The following MYO3B variants were observed in gnomAD, a reference collection of about 807,000 sequenced individuals.
The protein encoded by MYO3B is myosin IIIB, also known as myosin-IIIb.
Under a neutral mutation model 174.6 loss-of-function variants are expected in MYO3B, and 156 were observed. The ratio of observed to expected loss-of-function variants is 0.89; its 90% CI spans 0.78 to 1.02. The LOEUF (loss-of-function observed/expected upper bound fraction) is 1.02. Ranked by LOEUF, MYO3B falls within the 50% of genes least tolerant of loss-of-function variation. The probability of loss-of-function intolerance (pLI) is 0.00; values close to 1 mark genes in which losing one functional copy is unlikely to be tolerated. For synonymous variants in MYO3B, 563 were observed against 569.1 expected, an observed-to-expected ratio of 0.99 and a Z score of 0.15; for missense variants, 1,632 against 1,639.4, an observed-to-expected ratio of 1.00 and a Z score of 0.08.
At chr2:170,611,979 T>C (rs717542) in intron 32 of MYO3B, among the ~76,000 whole-genome samples, 32,126 of 152,096 alleles carry the variant, frequency 0.21, 4,445 homozygotes, top group East Asian at 0.45. Context: ...TTGTCTGTAG[T>C]ATCCTAATGG....
chr2:170,358,605 T>C (rs1238821064), intron 8 of MYO3B, among the ~76,000 whole-genome samples: 1 of 152,248 alleles, frequency 6.6e-6, no homozygotes, highest in Non-Finnish European at 1.5e-5. Flanking sequence ...TCATTAAACC[T>C]ATTATAAGAA....
chr2:170,365,621 A>G (rs1396704074), intron 8 of MYO3B, among the ~76,000 whole-genome samples: 2 of 152,112 alleles, frequency 1.3e-5, no homozygotes, highest in Non-Finnish European at 2.9e-5. Context: ...TTTGCTCCCC[A>G]TGAGAAAAAA....
chr2:170,570,194 GA>G (rs1265094988), intron 32 of MYO3B, among the ~76,000 whole-genome samples: 1 of 152,194 alleles, frequency 6.6e-6, no homozygotes, highest in Non-Finnish European at 1.5e-5. Flanking sequence ...CTTGGCTGAA[GA>G]AAAAGAGTTT....
At chr2:170,284,464 G>A (rs1340818070) in intron 7 of MYO3B, among the ~76,000 whole-genome samples, 1 of 152,128 alleles carries the variant, frequency 6.6e-6, no homozygotes, top group African/African-American at 2.4e-5. Context: ...GGTGCAGAGA[G>A]GGGAGAGGCA....
chr2:170,432,579 AT>A (rs777859423), intron 22 of MYO3B, among the ~76,000 whole-genome samples: 3,030 of 145,286 alleles, frequency 0.021, 86 homozygotes, highest in African/African-American at 0.068. Context: ...AAAAAAAGAA[AT>A]TTTTTTTTTT....
intron 1 of MYO3B, among the ~76,000 whole-genome samples, chr2:170,189,282 A>T (rs1164617847): frequency 6.6e-6 from 1 of 152,040 alleles, no homozygotes; most frequent in Non-Finnish European, 1.5e-5. Context: ...CAGTTTGATT[A>T]CTAAATGTCT....
At chr2:170,605,359 C>A (rs73978737) in intron 32 of MYO3B, among the ~76,000 whole-genome samples, 1 of 152,114 alleles carries the variant, frequency 6.6e-6, no homozygotes, top group African/African-American at 2.4e-5. Context: ...CCTGAAATTC[C>A]AGTGATGTGT....
intron 22 of MYO3B, among the ~76,000 whole-genome samples, chr2:170,426,206 G>A (rs962900728): frequency 2.0e-5 from 3 of 151,706 alleles, no homozygotes; most frequent in African/African-American, 7.2e-5. Context: ...GGGTGCTGGG[G>A]CTCATGCCTG....
At chr2:170,198,562 G>A (rs114042953) in intron 1 of MYO3B, among the ~76,000 whole-genome samples, 85 of 152,242 alleles carry the variant, frequency 5.6e-4, no homozygotes, top group African/African-American at 1.6e-3. Flanking sequence ...GTAGTTTTGC[G>A]TAACTACAGC....
intron 30 of MYO3B, among the ~76,000 whole-genome samples, chr2:170,530,748 T>C (rs1689304726): frequency 6.6e-6 from 1 of 152,196 alleles, no homozygotes; most frequent in African/African-American, 2.4e-5. Context: ...TTGTTTAAAT[T>C]ATTTTTACTA....
At chr2:170,388,589 C>T (rs529126111) in intron 14 of MYO3B, among the ~76,000 whole-genome samples, 19 of 152,204 alleles carry the variant, frequency 1.2e-4, no homozygotes, top group African/African-American at 3.9e-4. Context: ...AGGGGAGTCA[C>T]CATACCCAAC....
intron 8 of MYO3B, among the ~76,000 whole-genome samples, chr2:170,355,206 CT>C (rs1479083241): frequency 6.6e-6 from 1 of 152,172 alleles, no homozygotes; most frequent in East Asian, 1.9e-4. Context: ...CAGCCAATAA[CT>C]GCAAAATCCT....
intron 8 of MYO3B, among the ~76,000 whole-genome samples, chr2:170,345,957 G>A (rs1422911800): frequency 2.6e-5 from 4 of 151,942 alleles, no homozygotes; most frequent in South Asian, 2.1e-4. Context: ...TAGCCCTGCC[G>A]ACATCTTGAT....
chr2:170,554,827 T>C (rs559821913), intron 32 of MYO3B, among the ~76,000 whole-genome samples: 2 of 152,316 alleles, frequency 1.3e-5, no homozygotes, highest in East Asian at 3.9e-4. Flanking sequence ...TTAGGGTATT[T>C]GGCTTCCAAG....
chr2:170,550,804 C>G (rs1690826503), intron 32 of MYO3B, among the ~76,000 whole-genome samples: 1 of 152,180 alleles, frequency 6.6e-6, no homozygotes, highest in Admixed American at 6.5e-5. Context: ...TTACTTTTAG[C>G]TTTGCTGTGC....
At chr2:170,186,323 T>TA (rs2092462438) in intron 1 of MYO3B, among the ~76,000 whole-genome samples, 2 of 152,214 alleles carry the variant, frequency 1.3e-5, no homozygotes, top group South Asian at 4.1e-4. Flanking sequence ...TTAGGGTTTT[T>TA]ATCATGAAGT....
At chr2:170,327,876 C>CTATATATAGTATATATATATATATAT (rs1559390148) in intron 7 of MYO3B, among the ~76,000 whole-genome samples, 24 of 51,648 alleles carry the variant, frequency 4.6e-4, no homozygotes, top group Non-Finnish European at 1.5e-3. Context: ...TATATATATA[C>CTATATATAGTATATATATATATATAT]ACTATATATA....
At chr2:170,274,334 C>G (rs955095991) in intron 7 of MYO3B, among the ~76,000 whole-genome samples, 2 of 152,150 alleles carry the variant, frequency 1.3e-5, no homozygotes, top group Non-Finnish European at 2.9e-5. Flanking sequence ...TTCTCAGATT[C>G]ATTGGAATGC....
At chr2:170,266,085 T>C (rs150846829) in intron 7 of MYO3B, among the ~76,000 whole-genome samples, 30 of 152,206 alleles carry the variant, frequency 2.0e-4, no homozygotes, top group Middle Eastern at 3.4e-3. Flanking sequence ...AGCAGAATAC[T>C]CAGGATGGGT....
Sources: allele counts gnomAD v4.1 joint callset (sites outside exome capture counted in the v4.1 genomes callset), GRCh38; gene constraint gnomAD v4.1.1; transcripts MANE v1.5; gene names NCBI Gene and HGNC (gene_info 2026-07-23, HGNC 2026-07-21).